CCDC171: variants seen among roughly 807,000 people sequenced by gnomAD.
The protein encoded by CCDC171 is coiled-coil domain-containing protein 171.
In CCDC171, 177 loss-of-function variants were observed where a neutral mutation model predicts 168.2. That is an observed-to-expected ratio of 1.05 (90% CI 0.93 to 1.19). The LOEUF (loss-of-function observed/expected upper bound fraction) is 1.19, where lower values mean the gene tolerates loss of function less well. CCDC171 is among the 50% of genes most tolerant of loss of function. CCDC171 has a pLI of 0.00. For synonymous variants in CCDC171, 687 were observed against 540.8 expected (o/e 1.27, Z -3.75); for missense variants, 1,991 against 1,539.0 (o/e 1.29, Z -4.91).
At chr9:15,940,541 A>G (rs1439290354) in intron 25 of CCDC171, among the ~76,000 whole-genome samples, 1 of 152,020 alleles carries the variant, frequency 6.6e-6, no homozygotes, top group East Asian at 1.9e-4. Flanking sequence ...GGATATAAAA[A>G]GGTACTATCT....
intron 19 of CCDC171, among the ~76,000 whole-genome samples, chr9:15,778,643 C>CAAAAAAAAAAAAAAAA (rs527592822): frequency 5.1e-5 from 3 of 58,768 alleles, no homozygotes; most frequent in Admixed American, 3.1e-4. Flanking sequence ...AAGACTGTCT[C>CAAAAAAAAAAAAAAAA]AAAAAAAAAA....
intron 6 of CCDC171, among the ~76,000 whole-genome samples, chr9:15,611,409 G>C (rs10962098): frequency 0.47 from 72,107 of 152,056 alleles, 17,595 homozygotes; most frequent in East Asian, 0.76. Flanking sequence ...CTAAAAAGAT[G>C]AGAAGAAGCT....
At chr9:15,708,231 G>A (rs2052392376) in intron 11 of CCDC171, among the ~76,000 whole-genome samples, 1 of 152,172 alleles carries the variant, frequency 6.6e-6, no homozygotes, top group Non-Finnish European at 1.5e-5. Context: ...CAACAGCCTG[G>A]TAGCCTCCTA....
chr9:15,966,206 G>A (rs1221895315), intron 25 of CCDC171, among the ~76,000 whole-genome samples: 1 of 152,206 alleles, frequency 6.6e-6, no homozygotes, highest in East Asian at 1.9e-4. Flanking sequence ...CTGTAGTTGG[G>A]GAAGGATGGG....
At chr9:15,762,391 A>G (rs1319097175) in intron 18 of CCDC171, among the ~76,000 whole-genome samples, 3 of 152,242 alleles carry the variant, frequency 2.0e-5, no homozygotes, top group African/African-American at 7.2e-5. Context: ...TAAGCAGGAA[A>G]AGGAGCAAAT....
At chr9:15,582,154 G>A (rs983372962) in intron 4 of CCDC171, among the ~76,000 whole-genome samples, 16 of 152,328 alleles carry the variant, frequency 1.1e-4, no homozygotes, top group African/African-American at 2.6e-4. Flanking sequence ...AGACATTTAT[G>A]CAACCAACAA....
chr9:15,916,794 A>G (rs1033735137), intron 24 of CCDC171, among the ~76,000 whole-genome samples: 3 of 152,012 alleles, frequency 2.0e-5, no homozygotes, highest in Admixed American at 6.6e-5. Context: ...ATTACTGTCA[A>G]TTATAAACAC....
intron 1 of CCDC171, among the ~76,000 whole-genome samples, chr9:15,559,902 C>G (rs1427621216): frequency 6.6e-6 from 1 of 152,070 alleles, no homozygotes; most frequent in Non-Finnish European, 1.5e-5. Flanking sequence ...GTGCTTCCTT[C>G]AGGAGCTCTT....
intron 6 of CCDC171, among the ~76,000 whole-genome samples, chr9:15,602,632 C>CTTTTTTT (rs1050799184): frequency 7.7e-3 from 237 of 30,798 alleles, no homozygotes; most frequent in Middle Eastern, 0.019. Flanking sequence ...TTTCTCATTT[C>CTTTTTTT]TTTTTTTTTT....
intron 6 of CCDC171, among the ~76,000 whole-genome samples, chr9:15,612,213 C>A (rs1452734371): frequency 5.3e-5 from 8 of 152,176 alleles, no homozygotes; most frequent in African/African-American, 1.4e-4. Flanking sequence ...CATTGTGCCT[C>A]CAAATTCTGA....
intron 9 of CCDC171, among the ~76,000 whole-genome samples, chr9:15,674,782 A>C (rs920447857): frequency 6.6e-6 from 1 of 152,182 alleles, no homozygotes. Flanking sequence ...ATTTCCAATT[A>C]TGTGGTCAAT....
rs570729119 is a variant in CCDC171, at chr9:15,829,463, A to C, written c.3268-17239A>C. 2.0e-5 allele frequency among the ~76,000 whole-genome samples: 3 copies of C among 152,334 alleles called. No individual in the cohort carries two copies. The South Asian group carries it at 6.2e-4, about 32-fold the overall frequency. ...AGAGGGAGATGTGAAGAAAGATAGA[A>C]AGACTTGGGATTGGATAAACAGAGA... On this transcript the variant is annotated intron_variant, in intron 21 of 25. Transcript: ENST00000380701.
chr9:15,844,002 T>C (rs939168244), intron 21 of CCDC171, among the ~76,000 whole-genome samples: 4 of 152,120 alleles, frequency 2.6e-5, no homozygotes, highest in Admixed American at 6.6e-5. Flanking sequence ...GAGTTGAGCA[T>C]TGGGGGAACA....
chr9:15,705,400 T>G (rs566343026), intron 11 of CCDC171, among the ~76,000 whole-genome samples: 52 of 152,284 alleles, frequency 3.4e-4, no homozygotes, highest in African/African-American at 1.2e-3. Flanking sequence ...TTTCATTGCT[T>G]CTTTGGCCTC....
At chr9:16,041,932 G>A (rs1346025706), upstream of CCDC171, among the ~76,000 whole-genome samples, 1 of 152,152 alleles carries the variant, frequency 6.6e-6, no homozygotes, top group Non-Finnish European at 1.5e-5. Context: ...TGTGCATTTT[G>A]GGGGCATTTT....
chr9:16,034,385 A>C (rs1022742956), intron 6 of CCDC171, among the ~76,000 whole-genome samples: 1 of 152,234 alleles, frequency 6.6e-6, no homozygotes, highest in African/African-American at 2.4e-5. Flanking sequence ...TTGTACTAGA[A>C]TAATAGTAGT....
intron 7 of CCDC171, among the ~76,000 whole-genome samples, chr9:15,638,104 T>C (rs916443980): frequency 3.3e-5 from 5 of 152,194 alleles, no homozygotes; most frequent in Admixed American, 6.5e-5. Context: ...TAAATACTTT[T>C]GATAATACCA....
intron 23 of CCDC171, among the ~76,000 whole-genome samples, chr9:15,863,567 T>G (rs2061650193): frequency 6.6e-6 from 1 of 152,036 alleles, no homozygotes; most frequent in Non-Finnish European, 1.5e-5. Context: ...AAATTTATAT[T>G]TTGCTTCTTT....
At chr9:16,091,011 C>G in the CCDC171 span, among the ~76,000 whole-genome samples, 2 of 152,162 alleles carry the variant, frequency 1.3e-5, no homozygotes, top group African/African-American at 4.8e-5. Flanking sequence ...TGTCCTCTGC[C>G]TACTTGTGCC....
Sources: gnomAD v4.1 joint callset for allele counts (sites outside exome capture counted in the v4.1 genomes callset) on GRCh38, gnomAD v4.1.1 for gene constraint, MANE v1.5 for transcripts, NCBI Gene and HGNC (gene_info 2026-07-23, HGNC 2026-07-21) for gene names.